The following USH2A variants were observed in gnomAD, a reference collection of about 807,000 sequenced individuals.
USH2A encodes the protein usherin.
In USH2A, 443 loss-of-function variants were observed where a neutral mutation model predicts 538.9. That is an observed-to-expected ratio of 0.82 (90% CI 0.76 to 0.89). The LOEUF is 0.89. USH2A is among the 40% of genes least tolerant of loss of function. The pLI, the probability that USH2A is intolerant of heterozygous loss-of-function variation, is 0.00. For synonymous variants in USH2A, 2,413 were observed against 2,273.5 expected, an observed-to-expected ratio of 1.06 and a Z score of -1.75; for missense variants, 6,633 against 6,324.8, an observed-to-expected ratio of 1.05 and a Z score of -1.65.
intron 15 of USH2A, among the ~76,000 whole-genome samples, chr1:216,216,194 T>A (rs2035338630): frequency 6.6e-6 from 1 of 152,110 alleles, no homozygotes; most frequent in South Asian, 2.1e-4. Context: ...AGATTTATGT[T>A]TAGACTGTAT....
chr1:215,628,623 A>G (rs1656143879), intron 71 of USH2A, among the ~76,000 whole-genome samples, 191 bp downstream of exon 71: 1 of 152,186 alleles, frequency 6.6e-6, no homozygotes, highest in Admixed American at 6.5e-5. Flanking sequence ...ATACCAGAAG[A>G]ACAAGACAAA....
intron 37 of USH2A, among the ~76,000 whole-genome samples, chr1:215,936,053 G>A (rs921546010): frequency 6.6e-6 from 1 of 151,716 alleles, no homozygotes; most frequent in South Asian, 2.1e-4. Flanking sequence ...ATCTAAAAGA[G>A]CACCAATATT....
intron 9 of USH2A, among the ~76,000 whole-genome samples, chr1:216,320,749 A>C (rs2037590349): frequency 6.6e-6 from 1 of 152,012 alleles, no homozygotes; most frequent in African/African-American, 2.4e-5. Flanking sequence ...TTGTTCATAT[A>C]TTTGCTCATT....
intron 44 of USH2A, 49 bp downstream of exon 44, chr1:215,866,958 C>G (rs753105763): frequency 1.2e-6 from 2 of 1,612,860 alleles, no homozygotes; most frequent in South Asian, 1.1e-5. Context: ...AAAGAATATG[C>G]TTTTAAAAAT....
intron 44 of USH2A, among the ~76,000 whole-genome samples, chr1:215,862,501 CAT>C (rs1486841646): frequency 1.3e-5 from 2 of 152,100 alleles, no homozygotes; most frequent in Non-Finnish European, 2.9e-5. Flanking sequence ...CAACATGGCA[CAT>C]GTTTACATAT....
At chr1:215,701,061 C>G (rs1571969757) in intron 61 of USH2A, among the ~76,000 whole-genome samples, 1 of 152,198 alleles carries the variant, frequency 6.6e-6, no homozygotes, top group East Asian at 1.9e-4. Flanking sequence ...TAATTTCATT[C>G]TACACCCAGT....
At position 216,324,366 on chromosome 1, in the gene USH2A, GTTAA is replaced by G; in HGVS notation, c.1144-18_1144-15del. The G allele has an allele frequency of 6.3e-7, 1 of 1,596,484 alleles. No homozygotes were observed. Among genetic ancestry groups the G allele is most frequent in the African/African-American group, 1.3e-5 (1 of 74,596 alleles). On this transcript the variant is annotated splice_polypyrimidine_tract_variant and intron_variant, in intron 6 of 71. Coordinates refer to ENST00000307340, the MANE Select transcript of USH2A (RefSeq NM_206933.4). ...AATATAAAACACCTGAAAATGGAAA[GTTAA>G]TTAATGTAATTAAAGTTTTAAGTTT...
chr1:215,915,337 A>C (rs1399235497), intron 38 of USH2A, among the ~76,000 whole-genome samples: 1 of 152,094 alleles, frequency 6.6e-6, no homozygotes, highest in African/African-American at 2.4e-5. Context: ...ACAGGAACCT[A>C]AAGAACTAAC....
chr1:215,921,031 G>A (rs1431809304), intron 38 of USH2A, among the ~76,000 whole-genome samples: 1 of 151,920 alleles, frequency 6.6e-6, no homozygotes, highest in Non-Finnish European at 1.5e-5. Context: ...TTTAGTACAG[G>A]AAGAAAAAGA....
intron 62 of USH2A, 145 bp from the exon 63 acceptor site, chr1:215,675,761 A>G (rs1305565866): frequency 6.7e-7 from 1 of 1,488,652 alleles, no homozygotes; most frequent in Non-Finnish European, 9.1e-7. Context: ...AATTGGGGAT[A>G]TGTGATTTTT....
At chr1:215,797,392 T>A (rs1558102642) in intron 50 of USH2A, among the ~76,000 whole-genome samples, 2 of 152,172 alleles carry the variant, frequency 1.3e-5, no homozygotes, top group Non-Finnish European at 2.9e-5. Context: ...AGATCTTCAT[T>A]GTAGATGAAA....
chr1:216,359,492 T>G (rs772962516), intron 4 of USH2A, among the ~76,000 whole-genome samples: 1 of 152,096 alleles, frequency 6.6e-6, no homozygotes, highest in Non-Finnish European at 1.5e-5. Flanking sequence ...TGGGTTATAT[T>G]TAAACCAGAG....
chr1:216,289,498 G>A, intron 10 of USH2A, 88 bp from the exon 11 acceptor site: 1 of 1,584,340 alleles, frequency 6.3e-7, no homozygotes, highest in African/African-American at 1.3e-5. Flanking sequence ...TTCCTTTGAG[G>A]GAATTCTATA....
At position 216,113,880 on chromosome 1, in the gene USH2A, G is replaced by GA. The variant is rs1254787784; in HGVS notation, c.4628-16668dup. 2.0e-5 allele frequency among the ~76,000 whole-genome samples: 3 copies of GA among 150,834 alleles called. No homozygotes were observed. In the East Asian group the frequency reaches 5.8e-4, roughly 29 times the overall value. ...CTGTATTTTTATATTTAATTTTCTG[G>GA]AAAAAATAAAGTATTAAATATAAAA... On this transcript the variant is annotated intron_variant, in intron 21 of 71. Coordinates refer to ENST00000307340, the MANE Select transcript of USH2A (RefSeq NM_206933.4).
intron 70 of USH2A, among the ~76,000 whole-genome samples, chr1:215,632,969 C>T (rs570968223): frequency 5.3e-5 from 8 of 152,144 alleles, no homozygotes; most frequent in South Asian, 2.1e-4. Context: ...TTCTGGGTCC[C>T]GGGGCACATA....
At chr1:216,338,264 A>T (rs984124431) in intron 4 of USH2A, among the ~76,000 whole-genome samples, 1 of 151,486 alleles carries the variant, frequency 6.6e-6, no homozygotes, top group Non-Finnish European at 1.5e-5. Flanking sequence ...GCTTTTGGCA[A>T]GAAGTTAATC....
chr1:215,663,513 G>T (rs890150618), intron 64 of USH2A, among the ~76,000 whole-genome samples: 5 of 152,172 alleles, frequency 3.3e-5, no homozygotes, highest in Non-Finnish European at 7.3e-5. Context: ...TTGTTCCCGT[G>T]GTTGGTGTGT....
intron 5 of USH2A, among the ~76,000 whole-genome samples, chr1:216,326,028 A>G (rs919026162): frequency 6.6e-6 from 1 of 152,218 alleles, no homozygotes; most frequent in Non-Finnish European, 1.5e-5. Flanking sequence ...TCCATGGGAA[A>G]GAAGTACGAA....
chr1:216,374,890 A>G (rs1468219283), intron 3 of USH2A, among the ~76,000 whole-genome samples: 1 of 152,088 alleles, frequency 6.6e-6, no homozygotes, highest in Non-Finnish European at 1.5e-5. Context: ...CCATTTCTCC[A>G]AGGAATCCTG....
Sources: allele counts gnomAD v4.1 joint callset (sites outside exome capture counted in the v4.1 genomes callset), GRCh38; gene constraint gnomAD v4.1.1; transcripts MANE v1.5; gene names NCBI Gene and HGNC (gene_info 2026-07-23, HGNC 2026-07-21).